AIFM1: variants seen among roughly 807,000 people sequenced by gnomAD.
AIFM1 encodes apoptosis inducing factor mitochondria associated 1.
In AIFM1, 3 loss-of-function variants were observed where a neutral mutation model predicts 51.7. The observed-to-expected ratio is 0.06, with a 90% confidence interval of 0.03 to 0.15. AIFM1 has a LOEUF of 0.15. AIFM1 is among the 10% of genes least tolerant of loss of function. The pLI, the probability that AIFM1 is intolerant of heterozygous loss-of-function variation, is 1.00. For missense variants in AIFM1, 330 were observed against 476.8 expected, an observed-to-expected ratio of 0.69 and a Z score of 2.87; for synonymous variants, 178 against 179.4, an observed-to-expected ratio of 0.99 and a Z score of 0.06.
chrX:130,163,838 T>C (rs1238664084), intron 1 of AIFM1, among the ~76,000 whole-genome samples: 1 of 111,101 alleles, frequency 9.0e-6, no homozygotes, highest in Non-Finnish European at 1.9e-5. Flanking sequence ...TACTCAAAGT[T>C]TGAAAGGCCA....
At chrX:130,152,033 T>G (rs962985704) in intron 2 of AIFM1, among the ~76,000 whole-genome samples, 5 of 106,723 alleles carry the variant, frequency 4.7e-5, no homozygotes, top group African/African-American at 6.9e-5. Flanking sequence ...AGCGAGACTC[T>G]GTCTCAAAAA....
chrX:130,157,953 C>CAA (rs770910998), intron 1 of AIFM1, among the ~76,000 whole-genome samples: 6 of 46,156 alleles, frequency 1.3e-4, no homozygotes, highest in African/African-American at 3.3e-4. Flanking sequence ...GACTCCGTCT[C>CAA]AAAAAAAAAA....
At chrX:130,147,339 T>C (rs1163438423) in intron 5 of AIFM1, among the ~76,000 whole-genome samples, 154 bp downstream of exon 5, 1 of 112,035 alleles carries the variant, frequency 8.9e-6, no homozygotes. Context: ...TTGTAGACTG[T>C]TATCTCTAAG....
chrX:130,138,181 T>A (rs915293063), intron 9 of AIFM1: 1 of 161,447 alleles, frequency 6.2e-6, no homozygotes, highest in African/African-American at 3.1e-5. Flanking sequence ...TAAACCTTAA[T>A]TAGGCTGGGT....
At chrX:130,164,839 C>T (rs1024156059) in intron 1 of AIFM1, among the ~76,000 whole-genome samples, 2 of 111,654 alleles carry the variant, frequency 1.8e-5, no homozygotes, top group Non-Finnish European at 3.8e-5. Context: ...CCTCTCTGTG[C>T]CTCAGTTTAT....
At chrX:130,163,166 C>G (rs1345057379) in intron 1 of AIFM1, among the ~76,000 whole-genome samples, 1 of 109,796 alleles carries the variant, frequency 9.1e-6, no homozygotes, top group Non-Finnish European at 1.9e-5. Flanking sequence ...AAAAATTAGC[C>G]CGGCGTGGTG....
chrX:130,154,141 G>T (rs980518583), intron 2 of AIFM1, among the ~76,000 whole-genome samples: 1 of 112,053 alleles, frequency 8.9e-6, no homozygotes, highest in Non-Finnish European at 1.9e-5. Flanking sequence ...TTTATAATAC[G>T]GTAGCTTTAT....
intron 8 of AIFM1, among the ~76,000 whole-genome samples, chrX:130,139,035 A>G (rs1347524957): frequency 9.0e-6 from 1 of 111,214 alleles, no homozygotes; most frequent in Non-Finnish European, 1.9e-5. Flanking sequence ...CTACAATGGC[A>G]TAAGACAGCC....
rs1236479048 is a variant in AIFM1 at position 130,143,744 on chromosome X, G to A, written c.696+1735C>T. 1.3e-4 allele frequency among the ~76,000 whole-genome samples: 14 copies of A among 110,687 alleles called. No individual in the cohort carries two copies. The Admixed American group carries it at 1.3e-3, about 11-fold the overall frequency. ...TGGTGGCGCATGCAGCTACTTGGGA[G>A]GCTGAGGCAGGAGAATCGCTTGAAC... On this transcript the variant is annotated intron_variant, in intron 6 of 15. Coordinates refer to ENST00000287295, the MANE Select transcript of AIFM1 (RefSeq NM_004208.4).
Position 130,140,515 on chromosome X carries a change from A to G in AIFM1, c.781+18T>C. Reference sequence around the variant, plus strand: ...ATGAGCTGTATCAGGGAAGAAAGCCATCTCCAGAAATGCTCACCTGTTGCA... The same window carrying G: ...ATGAGCTGTATCAGGGAAGAAAGCCGTCTCCAGAAATGCTCACCTGTTGCA... On this transcript the variant is annotated intron_variant, in intron 7 of 15. Coordinates refer to ENST00000287295, the MANE Select transcript of AIFM1 (RefSeq NM_004208.4). 1 of 1,185,549 alleles carries G rather than the reference A, an allele frequency of 8.4e-7. No individual in the cohort carries two copies. Among genetic ancestry groups the G allele is most frequent in the Non-Finnish European group, 1.1e-6 (1 of 871,636 alleles).
chrX:130,137,432 C>A lies in AIFM1; in HGVS notation c.968-247G>T, dbSNP rs1460818143. The A allele has an allele frequency of 5.2e-6, 6 of 1,163,430 alleles. No individual in the cohort carries two copies. In the African/African-American group the frequency reaches 1.1e-4, roughly 21 times the overall value. On this transcript the variant is annotated intron_variant, in intron 9 of 15. Coordinates refer to ENST00000287295, the MANE Select transcript of AIFM1 (RefSeq NM_004208.4). ...AGCTTCAGATGGTGAACTCTGTGCA[C>A]TTCCACCCATGCAGTCACCTAAGGC...
intron 5 of AIFM1, 39 bp from the exon 6 acceptor site, chrX:130,145,608 G>T: frequency 9.6e-7 from 1 of 1,039,909 alleles, no homozygotes; most frequent in Non-Finnish European, 1.3e-6. Flanking sequence ...TAAGCATGTG[G>T]AACTGTTATC....
intron 8 of AIFM1, among the ~76,000 whole-genome samples, chrX:130,138,915 C>T (rs747762886): frequency 2.7e-5 from 3 of 111,279 alleles, no homozygotes; most frequent in Admixed American, 9.6e-5. Context: ...CAGTTTTGTC[C>T]CTATCTTCCC....
At chrX:130,150,556 C>T (rs1183799833) in intron 2 of AIFM1, among the ~76,000 whole-genome samples, 5 of 104,783 alleles carry the variant, frequency 4.8e-5, no homozygotes, top group Non-Finnish European at 7.9e-5. Flanking sequence ...GGGATGGTCT[C>T]GATCTCCTGA....
At chrX:130,161,281 G>A (rs2031338609) in intron 1 of AIFM1, among the ~76,000 whole-genome samples, 1 of 110,326 alleles carries the variant, frequency 9.1e-6, no homozygotes, top group Admixed American at 9.7e-5. Flanking sequence ...GGGAGGCCGA[G>A]GTGGGCGGAT....
intron 13 of AIFM1, among the ~76,000 whole-genome samples, chrX:130,132,319 T>C (rs183319012): frequency 5.3e-5 from 6 of 112,579 alleles, no homozygotes; most frequent in African/African-American, 1.9e-4. Flanking sequence ...AAAGCCATTA[T>C]ACACGACCAC....
intron 6 of AIFM1, among the ~76,000 whole-genome samples, chrX:130,144,375 G>A (rs1360745557): frequency 6.3e-5 from 7 of 111,574 alleles, no homozygotes; most frequent in Non-Finnish European, 3.8e-5. Context: ...GCTCTTTCAC[G>A]CAAAGCCCTC....
At position 130,147,484 on chromosome X, in the gene AIFM1, C is replaced by A. The variant is rs1191297439; in HGVS notation, c.605+9G>T. 1 of 1,211,707 alleles carries A rather than the reference C, an allele frequency of 8.3e-7. No individual in the cohort carries two copies. Among genetic ancestry groups the A allele is most frequent in the Non-Finnish European group, 1.1e-6 (1 of 895,445 alleles). ...AGTTGATAGGCTCATTTTACATAAGCAAACACACCTTCTCTCTTTTCCATT... is the reference window on the plus strand; with the variant it reads ...AGTTGATAGGCTCATTTTACATAAGAAAACACACCTTCTCTCTTTTCCATT... On this transcript the variant is annotated intron_variant, in intron 5 of 15. Transcript: ENST00000287295.
chrX:130,161,590 C>T (rs2031353984), intron 1 of AIFM1, among the ~76,000 whole-genome samples: 1 of 107,078 alleles, frequency 9.3e-6, no homozygotes. Context: ...TACAAGGGAT[C>T]CAACAACTAT....
Sources: allele counts gnomAD v4.1 joint callset (sites outside exome capture counted in the v4.1 genomes callset), GRCh38; gene constraint gnomAD v4.1.1; transcripts MANE v1.5; gene names NCBI Gene and HGNC (gene_info 2026-07-23, HGNC 2026-07-21).